Variants in NCAM2 observed in about 807,000 individuals in gnomAD.
NCAM2 encodes N-CAM-2.
A neutral mutation model predicts 98.1 loss-of-function variants in NCAM2; 30 were observed. The observed-to-expected ratio is 0.31, with a 90% CI of 0.23 to 0.41. NCAM2 has a LOEUF of 0.41. Among genes scored for constraint, NCAM2 ranks in the 10% least tolerant of loss-of-function variants. The pLI is 1.00. For synonymous variants in NCAM2, 368 were observed against 342.4 expected (o/e 1.07, Z -0.83); for missense variants, 867 against 1,005.8 (o/e 0.86, Z 1.87).
At chr21:21,083,396 A>G (rs1407417428) in intron 1 of NCAM2, among the ~76,000 whole-genome samples, 1 of 84,490 alleles carries the variant, frequency 1.2e-5, no homozygotes, top group African/African-American at 2.9e-5. Context: ...CTTGGAATCT[A>G]GACCCAAGCT....
chr21:21,302,724 A>G (rs915105300), intron 5 of NCAM2, among the ~76,000 whole-genome samples: 1 of 152,136 alleles, frequency 6.6e-6, no homozygotes, highest in Non-Finnish European at 1.5e-5. Flanking sequence ...CAGATATACT[A>G]TTCAACCCAG....
chr21:21,527,603 G>C (rs141596137), intron 16 of NCAM2, among the ~76,000 whole-genome samples: 1 of 152,206 alleles, frequency 6.6e-6, no homozygotes, highest in East Asian at 1.9e-4. Flanking sequence ...CTTATGAAAA[G>C]ACATTTCAAA....
intron 8 of NCAM2, among the ~76,000 whole-genome samples, chr21:21,355,678 C>T (rs1321600137): frequency 1.3e-5 from 2 of 151,538 alleles, no homozygotes; most frequent in African/African-American, 2.4e-5. Context: ...CGCAGTGGCA[C>T]GACCTCGGCT....
chr21:21,223,872 TA>T (rs2070272631), intron 1 of NCAM2: 1 of 152,084 alleles, frequency 6.6e-6, no homozygotes, highest in Admixed American at 6.6e-5. Flanking sequence ...AAACATCATC[TA>T]AAAACAGAAA....
At chr21:21,093,485 A>G (rs1036031009) in intron 1 of NCAM2, among the ~76,000 whole-genome samples, 3 of 152,072 alleles carry the variant, frequency 2.0e-5, no homozygotes, top group African/African-American at 7.2e-5. Flanking sequence ...CCTACTCAAA[A>G]AATGTATTAA....
At chr21:21,062,524 G>A (rs2146333091) in intron 1 of NCAM2, among the ~76,000 whole-genome samples, 1 of 152,322 alleles carries the variant, frequency 6.6e-6, no homozygotes, top group South Asian at 2.1e-4. Context: ...GGAACAGGAA[G>A]CTTGCCCTTT....
rs1371363759 is a variant in NCAM2 at position 21,265,400 on chromosome 21, TTA to T, written c.56-15172_56-15171del. On this transcript the variant is annotated intron_variant, in intron 1 of 17. Coordinates refer to ENST00000400546, the MANE Select transcript of NCAM2 (RefSeq NM_004540.5). ...TACACATATATGTACACACCATATA[TTA>T]TATATGTGTATATATAATATATGTG... 1.0e-4 allele frequency among the ~76,000 whole-genome samples: 13 copies of T among 125,634 alleles called. 1 individual carries two copies. The highest frequency in any genetic ancestry group is 4.2e-4 in the African/African-American group (13 of 30,908). The allele number at this position is 125,634 out of a possible 152,430, so 82.4% of individuals were successfully genotyped here.
intron 1 of NCAM2, among the ~76,000 whole-genome samples, chr21:21,063,347 AG>A (rs1446372953): frequency 6.8e-6 from 1 of 147,266 alleles, no homozygotes; most frequent in Non-Finnish European, 1.5e-5. Flanking sequence ...CAGCCTCCTG[AG>A]TAGCTGGGTC....
At chr21:21,264,716 TTTG>T (rs1376385324) in intron 1 of NCAM2, among the ~76,000 whole-genome samples, 4 of 148,078 alleles carry the variant, frequency 2.7e-5, no homozygotes, top group African/African-American at 5.0e-5. Flanking sequence ...CATACATCAT[TTTG>T]TTAAGATCTT....
chr21:21,467,149 T>C (rs1422357773), intron 13 of NCAM2, among the ~76,000 whole-genome samples: 12 of 151,904 alleles, frequency 7.9e-5, no homozygotes, highest in Non-Finnish European at 2.9e-5. Flanking sequence ...AGAAAAGGAA[T>C]CATTATGTTA....
chr21:21,280,770 T>C, intron 2 of NCAM2, 118 bp downstream of exon 2: 3 of 656,192 alleles, frequency 4.6e-6, no homozygotes, highest in Non-Finnish European at 7.3e-6. Flanking sequence ...ATCTTACAGT[T>C]GGTTTTTTGT....
chr21:21,015,396 G>A (rs1309801843), intron 1 of NCAM2, among the ~76,000 whole-genome samples: 1 of 152,140 alleles, frequency 6.6e-6, no homozygotes, highest in African/African-American at 2.4e-5. Context: ...CCCCTACCCT[G>A]ATCAGGAAGT....
chr21:21,152,425 A>G (rs527966023), intron 1 of NCAM2, among the ~76,000 whole-genome samples: 1 of 151,756 alleles, frequency 6.6e-6, no homozygotes, highest in Admixed American at 6.6e-5. Flanking sequence ...ATGAATTTTC[A>G]GTAGTCTACT....
chr21:21,440,610 G>A (rs1462531472), intron 12 of NCAM2, among the ~76,000 whole-genome samples: 1 of 152,012 alleles, frequency 6.6e-6, no homozygotes, highest in Non-Finnish European at 1.5e-5. Context: ...GAACCCAGGA[G>A]GCAGAGGTTG....
At chr21:21,124,396 A>AAT (rs1196303443) in intron 1 of NCAM2, among the ~76,000 whole-genome samples, 1 of 152,182 alleles carries the variant, frequency 6.6e-6, no homozygotes, top group African/African-American at 2.4e-5. Context: ...ATAACAAAGA[A>AAT]ATATCAAGAG....
intron 1 of NCAM2, among the ~76,000 whole-genome samples, chr21:21,028,837 A>C (rs1381386930): frequency 1.3e-5 from 2 of 152,210 alleles, no homozygotes; most frequent in Non-Finnish European, 2.9e-5. Flanking sequence ...AGAGGGAAAC[A>C]AAACAAGTGT....
intron 1 of NCAM2, among the ~76,000 whole-genome samples, chr21:21,109,761 A>G (rs1412257357): frequency 6.6e-6 from 1 of 152,212 alleles, no homozygotes; most frequent in Non-Finnish European, 1.5e-5. Context: ...GTTTGACGAT[A>G]GTAAGAGTGT....
chr21:21,450,765 C>T (rs1057048790), intron 12 of NCAM2, among the ~76,000 whole-genome samples: 7 of 147,438 alleles, frequency 4.7e-5, no homozygotes, highest in Admixed American at 4.1e-4. Context: ...TATTCCTCCT[C>T]CCCATCATGT....
intron 1 of NCAM2, among the ~76,000 whole-genome samples, chr21:21,097,491 AT>A (rs1377657735): frequency 2.0e-5 from 3 of 151,798 alleles, no homozygotes; most frequent in Admixed American, 6.6e-5. Context: ...AAAACTACAT[AT>A]TTTTTTAACA....
Sources: allele counts gnomAD v4.1 joint callset (sites outside exome capture counted in the v4.1 genomes callset), GRCh38; gene constraint gnomAD v4.1.1; transcripts MANE v1.5; gene names NCBI Gene and HGNC (gene_info 2026-07-23, HGNC 2026-07-21).